Variants in GNPTAB observed in about 807,000 individuals in gnomAD.
The protein encoded by GNPTAB is N-acetylglucosamine-1-phosphate transferase subunits alpha and beta.
Under a neutral mutation model 136.6 loss-of-function variants are expected in GNPTAB, and 92 were observed. The observed-to-expected ratio is 0.67, with a 90% CI of 0.57 to 0.80. GNPTAB has a LOEUF of 0.80. Ranked by LOEUF, GNPTAB falls within the 30% of genes least tolerant of loss-of-function variation. The pLI, the probability that GNPTAB is intolerant of heterozygous loss-of-function variation, is 0.00. For missense variants in GNPTAB, 1,343 were observed against 1,501.8 expected (o/e 0.89, Z 1.75); for synonymous variants, 512 against 535.1 (o/e 0.96, Z 0.60).
rs138303334 is a variant in GNPTAB, at chr12:101,776,070, C to CTTATAGAT, written c.771+4081_771+4082insATCTATAA. 0.022 allele frequency among the ~76,000 whole-genome samples: 3,388 copies of CTTATAGAT among 152,270 alleles called. 338 individuals are homozygous for CTTATAGAT. The East Asian group carries it at 0.31, about 14-fold the overall frequency. On this transcript the variant is annotated intron_variant, in intron 7 of 20. Transcript: ENST00000299314. Reference sequence around the variant, plus strand: ...CACACACGCTGCTTCCAAAATGTGACTATAAATGCTTGAGGGCAGGGTCTA... The same window carrying CTTATAGAT: ...CACACACGCTGCTTCCAAAATGTGACTTATAGATTATAAATGCTTGAGGGCAGGGTCTA...
intron 16 of GNPTAB, 91 bp downstream of exon 16, chr12:101,759,939 C>T: frequency 1.2e-6 from 1 of 803,118 alleles, no homozygotes; most frequent in South Asian, 1.4e-5. Context: ...GAGCCTGCTG[C>T]TAGTTCTGAA....
chr12:101,782,027 G>C (rs1328756549), intron 5 of GNPTAB, among the ~76,000 whole-genome samples: 1 of 152,200 alleles, frequency 6.6e-6, no homozygotes, highest in Non-Finnish European at 1.5e-5. Context: ...GGAGGTTTAG[G>C]AGATTAGTCA....
chr12:101,769,951 A>C, intron 10 of GNPTAB, 70 bp downstream of exon 10: 3 of 1,340,112 alleles, frequency 2.2e-6, no homozygotes, highest in Non-Finnish European at 3.2e-6. Flanking sequence ...CTACAGTAGT[A>C]TGTGCACTCA....
chr12:101,789,983 A>G lies in GNPTAB; in HGVS notation c.278T>C (p.Leu93Pro), dbSNP rs767319338. 1.2e-6 allele frequency: 2 copies of G among 1,614,178 alleles called. No individual in the cohort carries two copies. The highest frequency in any genetic ancestry group is 1.7e-6 in the Non-Finnish European group (2 of 1,180,030). The change falls in exon 3 of 21, where the codon CTA becomes CCA. Residue 93 changes from leucine (L) to proline (P), a missense_variant. Physicochemically the swap from Leu to Pro is moderately conservative, Grantham distance 98 (BLOSUM62 -3). Coordinates refer to ENST00000299314, the MANE Select transcript of GNPTAB (RefSeq NM_024312.5). ...NGTDLELLKE[L>P]QQVREQMEEE... ...CTCCATCTGTTCTCTGACCTGCTGT[A>G]GTTCCTTCAGTAGTTCAAGATCTGT...
At chr12:101,822,241 G>A (rs1033561628) in intron 1 of GNPTAB, among the ~76,000 whole-genome samples, 9 of 152,050 alleles carry the variant, frequency 5.9e-5, no homozygotes, top group African/African-American at 1.9e-4. Context: ...GTGAAACCCC[G>A]TCTCTACTAA....
chr12:101,793,766 C>T (rs1194132368), intron 2 of GNPTAB, among the ~76,000 whole-genome samples: 1 of 152,090 alleles, frequency 6.6e-6, no homozygotes, highest in African/African-American at 2.4e-5. Flanking sequence ...CTTAACAGTC[C>T]CTTGGTTCTA....
intron 13 of GNPTAB, 85 bp downstream of exon 13, chr12:101,764,117 G>C: frequency 6.3e-7 from 1 of 1,575,820 alleles, no homozygotes; most frequent in South Asian, 1.1e-5. Context: ...GGGAAGTGCT[G>C]AATAAATGGT....
chr12:101,764,798 C>A lies in GNPTAB; in HGVS notation c.2119G>T (p.Ala707Ser), dbSNP rs376620571. The change falls in exon 13 of 21, where the codon GCC (alanine) becomes TCC (serine). Residue 707 changes from alanine to serine, a missense_variant. By Grantham distance (99) the Ala-to-Ser change is moderately conservative (BLOSUM62 1). Coordinates refer to ENST00000299314, the MANE Select transcript of GNPTAB (RefSeq NM_024312.5). ...TCCAAGGTATTGAGACTCAACTGGG[C>A]GTCTTTTGGAAGGAGTGAAATATTT... ...LVNISLLPKD[A>S]QLSLNTLDLQ... is the part of the protein sequence containing the mutation. The A allele has an allele frequency of 1.2e-6, 2 of 1,614,144 alleles. No individual in the cohort carries two copies. The highest frequency in any genetic ancestry group is 1.7e-6 in the Non-Finnish European group (2 of 1,180,012).
At position 101,820,249 on chromosome 12, in the gene GNPTAB, A is replaced by G. The variant is rs80178135; in HGVS notation, c.117+10310T>C. Reference sequence around the variant, plus strand: ...CAACAAATATTCACTTAAGAACTACAAGTAGGGTCTGCGAGAGCAAATGAA... The same window carrying G: ...CAACAAATATTCACTTAAGAACTACGAGTAGGGTCTGCGAGAGCAAATGAA... On this transcript the variant is annotated intron_variant, in intron 1 of 20. Coordinates refer to ENST00000299314, the MANE Select transcript of GNPTAB (RefSeq NM_024312.5). Among the ~76,000 whole-genome samples the G allele has an allele frequency of 0.022, 3,418 of 152,320 alleles. 351 individuals are homozygous for G. The East Asian group carries it at 0.31, about 14-fold the overall frequency.
chr12:101,822,339 G>A (rs1045600231), intron 1 of GNPTAB, among the ~76,000 whole-genome samples: 6 of 152,068 alleles, frequency 3.9e-5, no homozygotes, highest in Non-Finnish European at 7.4e-5. Flanking sequence ...CGTGAACCCC[G>A]GGGGGCGGAG....
At chr12:101,825,826 G>GA (rs1176033127) in intron 1 of GNPTAB, among the ~76,000 whole-genome samples, 1 of 152,098 alleles carries the variant, frequency 6.6e-6, no homozygotes, top group African/African-American at 2.4e-5. Flanking sequence ...ACCTTTCCCA[G>GA]AAAACAAGTC....
rs753387393 is a variant in GNPTAB, at chr12:101,757,204, A to G, written c.3434+8T>C. On this transcript the variant is annotated splice_region_variant and intron_variant, in intron 18 of 20. Transcript: ENST00000299314. ...GCATAATTAAAAATTATATATAAAAATCAGTACCTAGGGTTTTTTCTTATG... is the reference window on the plus strand; with the variant it reads ...GCATAATTAAAAATTATATATAAAAGTCAGTACCTAGGGTTTTTTCTTATG... 7.1e-7 allele frequency: 1 copy of G among 1,412,644 alleles called. No homozygotes were observed. Among genetic ancestry groups the G allele is most frequent in the East Asian group, 2.3e-5 (1 of 43,944 alleles). 87.5% of individuals were successfully genotyped at this position (1,412,644 alleles called of 1,614,324 possible). A position where few individuals can be genotyped will look rare whatever the true frequency, so the allele number is the denominator to read the frequency against.
rs1040919563 is a variant in GNPTAB, at chr12:101,764,390, C to T, written c.2527G>A (p.Glu843Lys). The T allele has an allele frequency of 6.2e-6, 10 of 1,613,692 alleles. No homozygotes were observed. Among genetic ancestry groups the T allele is most frequent in the Non-Finnish European group, 8.5e-6 (10 of 1,180,034 alleles). ...TTCTTTTCTTTTGTCATCTGGCTTT[C>T]CAGTGGAACAATCAGAGATGGGGGC... Reference protein sequence around the residue: ...EKPPSLIVPLESQMTKEKKIT... With the variant: ...EKPPSLIVPLKSQMTKEKKIT... The change falls in exon 13 of 21, where the codon GAA becomes AAA. Residue 843 changes from glutamate to lysine, a missense_variant. Glu to Lys is a moderately conservative substitution (Grantham distance 56). Coordinates refer to ENST00000299314, the MANE Select transcript of GNPTAB (RefSeq NM_024312.5).
chr12:101,800,218 C>G (rs921718202), intron 1 of GNPTAB, among the ~76,000 whole-genome samples: 18 of 151,926 alleles, frequency 1.2e-4, no homozygotes, highest in Non-Finnish European at 2.4e-4. Flanking sequence ...GGTGTGGTGG[C>G]TCACACCTGT....
At chr12:101,779,219 C>T (rs1287216212) in intron 7 of GNPTAB, 1 of 152,146 alleles carries the variant, frequency 6.6e-6, no homozygotes, top group Admixed American at 6.5e-5. Flanking sequence ...ATCAGGTAAG[C>T]TAAACCCAGT....
chr12:101,820,896 A>C (rs1488933162), intron 1 of GNPTAB, among the ~76,000 whole-genome samples: 1 of 151,992 alleles, frequency 6.6e-6, no homozygotes, highest in Non-Finnish European at 1.5e-5. Flanking sequence ...ATCTCTATTA[A>C]AAATTTAAAA....
At chr12:101,804,831 T>C (rs1869849359) in intron 1 of GNPTAB, among the ~76,000 whole-genome samples, 1 of 152,258 alleles carries the variant, frequency 6.6e-6, no homozygotes, top group Admixed American at 6.5e-5. Context: ...GCTCCAGTTT[T>C]GTGATTTTAG....
At chr12:101,754,655 T>C (rs1432331868) in intron 18 of GNPTAB, among the ~76,000 whole-genome samples, 7 of 152,144 alleles carry the variant, frequency 4.6e-5, no homozygotes, top group Admixed American at 1.3e-4. Context: ...TTCAAGTTCC[T>C]TTCAAGGCAA....
chr12:101,823,462 T>C (rs1200821734), intron 1 of GNPTAB, among the ~76,000 whole-genome samples: 5 of 151,862 alleles, frequency 3.3e-5, no homozygotes, highest in African/African-American at 7.3e-5. Flanking sequence ...ATACAAAAAT[T>C]AGCCAGGTGT....
Sources: gnomAD v4.1 joint callset for allele counts (sites outside exome capture counted in the v4.1 genomes callset) on GRCh38, gnomAD v4.1.1 for gene constraint, MANE v1.5 for transcripts, NCBI Gene and HGNC (gene_info 2026-07-23, HGNC 2026-07-21) for gene names.